Variants in PCDH9 observed in about 807,000 individuals in gnomAD.
PCDH9 encodes protocadherin-9.
In PCDH9, 24 loss-of-function variants were observed where a neutral mutation model predicts 70.6. That is an observed-to-expected ratio of 0.34 (90% CI 0.25 to 0.48). The LOEUF (loss-of-function observed/expected upper bound fraction) is 0.48. Ranked by LOEUF, PCDH9 falls within the 20% of genes least tolerant of loss-of-function variation. PCDH9 has a pLI of 0.99. For missense variants in PCDH9, 1,281 were observed against 1,503.6 expected, an observed-to-expected ratio of 0.85 and a Z score of 2.45; for synonymous variants, 562 against 558.5, an observed-to-expected ratio of 1.01 and a Z score of -0.09.
intron 4 of PCDH9, among the ~76,000 whole-genome samples, chr13:66,411,645 G>GATAGATA (rs1957371286): frequency 1.3e-5 from 2 of 150,900 alleles, no homozygotes; most frequent in African/African-American, 4.9e-5. Context: ...TATAGATGAT[G>GATAGATA]GATAGATAGA....
Position 66,559,439 on chromosome 13 carries a change from T to A in PCDH9, c.3340+71771A>T, listed in dbSNP as rs866841947. ...AATCTCTTCAGGAGGATATGATCTC[T>A]GCTTTAACATTATGAAACTGGACTT... is the stretch of plus-strand genomic sequence containing the variant. On this transcript the variant is annotated intron_variant, in intron 4 of 4. Coordinates refer to ENST00000377865, the MANE Select transcript of PCDH9 (RefSeq NM_203487.3). 3.9e-5 allele frequency among the ~76,000 whole-genome samples: 6 copies of A among 152,298 alleles called. No homozygotes were observed. In the South Asian group the frequency reaches 1.2e-3, roughly 32 times the overall value.
intron 2 of PCDH9, among the ~76,000 whole-genome samples, chr13:67,006,143 C>T (rs1452483597): frequency 6.6e-6 from 1 of 152,132 alleles, no homozygotes; most frequent in Admixed American, 6.6e-5. Context: ...AGGAGAATGG[C>T]GTGAACCCGG....
At chr13:66,703,445 T>C (rs959160380) in intron 3 of PCDH9, among the ~76,000 whole-genome samples, 14 of 152,204 alleles carry the variant, frequency 9.2e-5, no homozygotes, top group African/African-American at 3.4e-4. Flanking sequence ...AATGCTATAA[T>C]AGACCAAGCT....
At chr13:66,987,965 T>A (rs773501247) in intron 2 of PCDH9, among the ~76,000 whole-genome samples, 5 of 151,854 alleles carry the variant, frequency 3.3e-5, no homozygotes, top group African/African-American at 1.2e-4. Flanking sequence ...GTGCTAGAAT[T>A]ATAGCTTATT....
chr13:66,777,739 C>T (rs1272782241), intron 3 of PCDH9, among the ~76,000 whole-genome samples: 4 of 152,162 alleles, frequency 2.6e-5, no homozygotes. Flanking sequence ...CCTCACGGAT[C>T]TAGAACTAGA....
At chr13:66,384,390 TTTG>T (rs1355365791) in intron 4 of PCDH9, among the ~76,000 whole-genome samples, 2 of 152,160 alleles carry the variant, frequency 1.3e-5, no homozygotes, top group Non-Finnish European at 2.9e-5. Context: ...TTAAACTGTT[TTTG>T]TTGTTCTATC....
intron 2 of PCDH9, among the ~76,000 whole-genome samples, chr13:67,193,844 T>G (rs1469063242): frequency 6.6e-6 from 1 of 152,146 alleles, no homozygotes; most frequent in African/African-American, 2.4e-5. Flanking sequence ...CATATTTCTA[T>G]GGAAGTGAAA....
chr13:67,130,845 ACTT>A (rs1274309611), intron 2 of PCDH9, among the ~76,000 whole-genome samples: 1 of 151,958 alleles, frequency 6.6e-6, no homozygotes, highest in Non-Finnish European at 1.5e-5. Flanking sequence ...CTGGTCCCCT[ACTT>A]CTGCAGGTTT....
chr13:66,782,965 T>C (rs953058670), intron 3 of PCDH9, among the ~76,000 whole-genome samples: 1 of 152,196 alleles, frequency 6.6e-6, no homozygotes, highest in African/African-American at 2.4e-5. Flanking sequence ...TTTATTTTTG[T>C]TTTTCCCATT....
At chr13:66,452,218 T>C (rs569085339) in intron 4 of PCDH9, among the ~76,000 whole-genome samples, 304 of 152,246 alleles carry the variant, frequency 2.0e-3, no homozygotes, top group Non-Finnish European at 4.0e-3. Flanking sequence ...GGATGGGACA[T>C]TTTTTCCATT....
intron 2 of PCDH9, among the ~76,000 whole-genome samples, chr13:67,167,666 T>A (rs1480683889): frequency 1.3e-5 from 2 of 152,196 alleles, no homozygotes; most frequent in Non-Finnish European, 2.9e-5. Flanking sequence ...AGTGTCAGCA[T>A]CTATCCAGAT....
intron 3 of PCDH9, among the ~76,000 whole-genome samples, chr13:66,744,299 T>C (rs1261670852): frequency 6.6e-6 from 1 of 152,170 alleles, no homozygotes; most frequent in African/African-American, 2.4e-5. Context: ...AGAACCAAAA[T>C]ATTTATTTAT....
At chr13:66,357,597 C>T (rs910880998) in intron 4 of PCDH9, among the ~76,000 whole-genome samples, 3 of 152,020 alleles carry the variant, frequency 2.0e-5, no homozygotes, top group Non-Finnish European at 4.4e-5. Flanking sequence ...ACATATATAA[C>T]TCCATGTGTT....
chr13:66,796,428 G>A lies in PCDH9; in HGVS notation c.3138+107076C>T, dbSNP rs111686589. On this transcript the variant is annotated intron_variant, in intron 3 of 4. Transcript: ENST00000377865. ...TAATTAGTCTCTTTTGTTCAATTAG[G>A]ACCAGTCATTTAAGCAGTACCCCAG... Among the ~76,000 whole-genome samples the A allele has an allele frequency of 3.0e-3, 461 of 152,192 alleles. 2 individuals are homozygous for A. The highest frequency in any genetic ancestry group is 0.011 in the African/African-American group (440 of 41,538).
intron 3 of PCDH9, among the ~76,000 whole-genome samples, chr13:66,702,913 G>A (rs1168563939): frequency 1.3e-5 from 2 of 152,096 alleles, no homozygotes; most frequent in Non-Finnish European, 2.9e-5. Context: ...TATAATGAAA[G>A]AGACTTCTAG....
chr13:66,450,397 T>C (rs997618178), intron 4 of PCDH9, among the ~76,000 whole-genome samples: 8 of 152,170 alleles, frequency 5.3e-5, no homozygotes, highest in African/African-American at 1.9e-4. Context: ...GATAGGATAT[T>C]TTCTAGAGAA....
intron 4 of PCDH9, among the ~76,000 whole-genome samples, chr13:66,543,922 A>G (rs1413264613): frequency 6.6e-6 from 1 of 152,114 alleles, no homozygotes; most frequent in Non-Finnish European, 1.5e-5. Flanking sequence ...CTTCCATCAC[A>G]CTTGCAATTG....
intron 4 of PCDH9, among the ~76,000 whole-genome samples, chr13:66,366,019 T>C (rs956775134): frequency 3.9e-5 from 6 of 152,110 alleles, no homozygotes. Context: ...CTGTGATTTA[T>C]TGTAACAGTT....
chr13:66,600,959 A>C (rs2138844487), intron 4 of PCDH9, among the ~76,000 whole-genome samples: 1 of 145,326 alleles, frequency 6.9e-6, no homozygotes, highest in South Asian at 2.2e-4. Context: ...AATTACAAGG[A>C]GGGGGAGAGA....
Sources: gnomAD v4.1 joint callset for allele counts (sites outside exome capture counted in the v4.1 genomes callset) on GRCh38, gnomAD v4.1.1 for gene constraint, MANE v1.5 for transcripts, NCBI Gene and HGNC (gene_info 2026-07-23, HGNC 2026-07-21) for gene names.